Variants in CMTM4 observed in about 807,000 individuals in gnomAD.
CMTM4 encodes CKLF like MARVEL transmembrane domain containing 4.
A neutral mutation model predicts 19.0 loss-of-function variants in CMTM4; 8 were observed. The ratio of observed to expected loss-of-function variants is 0.42; its 90% CI spans 0.25 to 0.76. The LOEUF (loss-of-function observed/expected upper bound fraction) is 0.76. Among genes scored for constraint, CMTM4 ranks in the 30% least tolerant of loss-of-function variants. CMTM4 has a pLI of 0.27. For synonymous variants in CMTM4, 106 were observed against 121.1 expected (o/e 0.88, Z 0.82); for missense variants, 228 against 290.2 (o/e 0.79, Z 1.56).
chr16:66,629,011 GTTGTT>G (rs886993349), intron 2 of CMTM4, among the ~76,000 whole-genome samples: 5 of 151,802 alleles, frequency 3.3e-5, no homozygotes, highest in South Asian at 2.1e-4. Flanking sequence ...GGGTTTTTTT[GTTGTT>G]TTGTTTTGTT....
Position 66,616,985 on chromosome 16 carries a change from G to A in CMTM4, c.*5073C>T, listed in dbSNP as rs2015538160. 5 of 244,026 alleles carry A rather than the reference G, an allele frequency of 2.0e-5. No homozygotes were observed. The South Asian group carries it at 5.5e-4, about 27-fold the overall frequency. The allele number at this position is 244,026 out of a possible 1,614,324, so 15.1% of individuals were successfully genotyped here. ...ACCATCTCTCTTTTCAGGCAGTTAT[G>A]AAAAGAAACTCTGACCTGGCCCTAA... On this transcript the variant is annotated 3_prime_UTR_variant, in exon 4 of 4. Transcript: ENST00000394106.
At chr16:66,601,107 C>CTG in the CMTM4 span, among the ~76,000 whole-genome samples, 3,643 of 142,988 alleles carry the variant, frequency 0.025, 66 homozygotes, top group African/African-American at 0.049. Context: ...GTGTGTGTGT[C>CTG]TGTGTGTGTG....
At chr16:66,686,209 G>A (rs1304298138) in intron 1 of CMTM4, among the ~76,000 whole-genome samples, 4 of 149,740 alleles carry the variant, frequency 2.7e-5, no homozygotes, top group Admixed American at 6.7e-5. Context: ...AGCCGAGATC[G>A]CACCACTGCA....
At chr16:66,683,037 G>T (rs1257076379) in intron 1 of CMTM4, among the ~76,000 whole-genome samples, 1 of 150,036 alleles carries the variant, frequency 6.7e-6, no homozygotes, top group Non-Finnish European at 1.5e-5. Context: ...GTTAAAAAAA[G>T]AAAAAGTAAT....
At chr16:66,680,424 A>C (rs1448233025) in intron 1 of CMTM4, among the ~76,000 whole-genome samples, 2 of 149,906 alleles carry the variant, frequency 1.3e-5, no homozygotes, top group East Asian at 4.0e-4. Context: ...GGCTGCAGTG[A>C]GCCGAGATCA....
At chr16:66,677,938 T>C (rs1016251706) in intron 1 of CMTM4, among the ~76,000 whole-genome samples, 2 of 152,132 alleles carry the variant, frequency 1.3e-5, no homozygotes, top group African/African-American at 4.8e-5. Flanking sequence ...CCTCAGGTCA[T>C]TTGCCCGCCT....
At position 66,617,995 on chromosome 16, in the gene CMTM4, T is replaced by G; in HGVS notation, c.*4063A>C. The G allele has an allele frequency of 1.0e-6, 1 of 985,606 alleles. No individual in the cohort carries two copies. The highest frequency in any genetic ancestry group is 1.2e-6 in the Non-Finnish European group (1 of 830,096). The allele number at this position is 985,606 out of a possible 1,614,324, so 61.1% of individuals were successfully genotyped here. A position where few individuals can be genotyped will look rare whatever the true frequency, so the allele number is the denominator to read the frequency against. On this transcript the variant is annotated 3_prime_UTR_variant, in exon 4 of 4. Transcript: ENST00000394106. ...TGCTGATAGCAGACAGGTGGGGTGT[T>G]CCAGGCCACTGCTTCCTCCCTTATC...
chr16:66,651,371 G>A (rs1482322503), intron 1 of CMTM4, among the ~76,000 whole-genome samples: 2 of 152,122 alleles, frequency 1.3e-5, no homozygotes, highest in East Asian at 1.9e-4. Context: ...GCAAACGGGG[G>A]CAAATAGTTC....
chr16:66,650,841 C>T (rs2016296568), intron 1 of CMTM4, among the ~76,000 whole-genome samples: 1 of 152,128 alleles, frequency 6.6e-6, no homozygotes, highest in Non-Finnish European at 1.5e-5. Flanking sequence ...AGCTCATTTA[C>T]CCAGCAGGGG....
At chr16:66,608,419 C>T in the CMTM4 span, 2 of 1,614,078 alleles carry the variant, frequency 1.2e-6, no homozygotes, top group Admixed American at 3.3e-5. This position sits in a 1 kb window ranked among gnomAD's most constrained non-coding sequence, Gnocchi z 5.1. Flanking sequence ...TTGCTGATGC[C>T]ATGCAGCTGA....
At chr16:66,682,786 C>A (rs2016939047) in intron 1 of CMTM4, among the ~76,000 whole-genome samples, 1 of 151,864 alleles carries the variant, frequency 6.6e-6, no homozygotes, top group African/African-American at 2.4e-5. Context: ...GTGACTTTTT[C>A]TTTGCCTGAA....
intron 2 of CMTM4, among the ~76,000 whole-genome samples, chr16:66,624,877 C>T (rs1596903879): frequency 6.6e-6 from 1 of 152,350 alleles, no homozygotes; most frequent in East Asian, 1.9e-4. Flanking sequence ...TCTGCTCAGA[C>T]GCATCTGCCA....
chr16:66,649,152 A>G (rs2016261449), intron 1 of CMTM4, among the ~76,000 whole-genome samples: 1 of 152,132 alleles, frequency 6.6e-6, no homozygotes, highest in African/African-American at 2.4e-5. Flanking sequence ...GCCTACCGTG[A>G]GCTATGATCA....
chr16:66,610,527 C>T (rs1418634129), downstream of CMTM4, among the ~76,000 whole-genome samples: 2 of 152,304 alleles, frequency 1.3e-5, no homozygotes, highest in East Asian at 3.9e-4. This position sits in a 1 kb window ranked among gnomAD's most constrained non-coding sequence, Gnocchi z 4.6. Flanking sequence ...TAGCTGAAAG[C>T]AGGCCCACGC....
At chr16:66,634,884 T>C (rs1219770215) in intron 2 of CMTM4, among the ~76,000 whole-genome samples, 1 of 152,200 alleles carries the variant, frequency 6.6e-6, no homozygotes, top group African/African-American at 2.4e-5. Context: ...ACCTTGGACT[T>C]GAACCCAGCT....
At chr16:66,608,514 G>A in the CMTM4 span, 4 of 1,594,532 alleles carry the variant, frequency 2.5e-6, no homozygotes, top group Non-Finnish European at 3.4e-6. This position sits in a 1 kb window ranked among gnomAD's most constrained non-coding sequence, Gnocchi z 5.1. Flanking sequence ...AAAGTGGCCA[G>A]ATGAGGAGTC....
At chr16:66,648,353 A>C (rs1253923773) in intron 1 of CMTM4, among the ~76,000 whole-genome samples, 1 of 152,216 alleles carries the variant, frequency 6.6e-6, no homozygotes, top group Non-Finnish European at 1.5e-5. Context: ...TTTGGGAATG[A>C]AAATATTTTT....
At chr16:66,695,759 G>T (rs1229969007) in intron 1 of CMTM4, among the ~76,000 whole-genome samples, 1 of 152,302 alleles carries the variant, frequency 6.6e-6, no homozygotes, top group Middle Eastern at 3.4e-3. Flanking sequence ...TGTCTTCTTG[G>T]TTAGAAGGAC....
rs576091417 is a variant in CMTM4 at position 66,658,063 on chromosome 16, A to G, written c.187-21482T>C. Reference sequence around the variant, plus strand: ...TACTAAGACTCCATCTCTACAAAAAATATTAAAAAATTAAAAATTAGCTGG... The same window carrying G: ...TACTAAGACTCCATCTCTACAAAAAGTATTAAAAAATTAAAAATTAGCTGG... On this transcript the variant is annotated intron_variant, in intron 1 of 3. Transcript: ENST00000394106. Among the ~76,000 whole-genome samples, 477 of 152,312 alleles carry G rather than the reference A, an allele frequency of 3.1e-3. 1 individual carries two copies. Among genetic ancestry groups the G allele is most frequent in the African/African-American group, 0.011 (464 of 41,564 alleles).
Sources: gnomAD v4.1 joint callset for allele counts (sites outside exome capture counted in the v4.1 genomes callset) on GRCh38, gnomAD v4.1.1 for gene constraint, Gnocchi (gnomAD v3.1) non-coding constraint, MANE v1.5 for transcripts, NCBI Gene and HGNC (gene_info 2026-07-23, HGNC 2026-07-21) for gene names.